Variants in LXN observed in about 807,000 individuals in gnomAD.
LXN encodes MUM.
A neutral mutation model predicts 29.8 loss-of-function variants in LXN; 28 were observed. The ratio of observed to expected loss-of-function variants is 0.94; its 90% CI spans 0.70 to 1.29. The LOEUF is 1.29. LXN is among the 50% of genes most tolerant of loss of function. The probability of loss-of-function intolerance (pLI) is 0.00; values close to 1 mark genes in which losing one functional copy is unlikely to be tolerated. For synonymous variants in LXN, 77 were observed against 89.6 expected, an observed-to-expected ratio of 0.86 and a Z score of 0.80; for missense variants, 227 against 261.7, an observed-to-expected ratio of 0.87 and a Z score of 0.92.
intron 4 of LXN, among the ~76,000 whole-genome samples, chr3:158,668,721 G>A (rs559171915): frequency 7.2e-5 from 11 of 152,234 alleles, no homozygotes; most frequent in Non-Finnish European, 1.5e-4. Flanking sequence ...AACTAACAAA[G>A]CACAGTTATT....
intron 1 of LXN, among the ~76,000 whole-genome samples, chr3:158,672,099 G>T (rs191301816): frequency 6.6e-6 from 1 of 152,126 alleles, no homozygotes; most frequent in Admixed American, 6.6e-5. Context: ...CCGTTTTCTT[G>T]TAACTGTGTG....
intron 2 of LXN, 76 bp from the exon 3 acceptor site, chr3:158,669,686 T>A: frequency 7.2e-7 from 1 of 1,381,190 alleles, no homozygotes; most frequent in Non-Finnish European, 1.0e-6. Context: ...AGATATGATT[T>A]AAAGCATAGG....
rs1724230000 is a variant in LXN at position 158,670,954 on chromosome 3, T to C, written c.192+3A>G. 2.0e-6 allele frequency: 3 copies of C among 1,535,844 alleles called. No individual in the cohort carries two copies. Among genetic ancestry groups the C allele is most frequent in the Non-Finnish European group, 2.6e-6 (3 of 1,143,370 alleles). ...TCTCAAAGAAAAAAGAAATTTAACTTACTTTTTGTATAATTTCTTCAACAG... is the reference window on the plus strand; with the variant it reads ...TCTCAAAGAAAAAAGAAATTTAACTCACTTTTTGTATAATTTCTTCAACAG... On this transcript the variant is annotated splice_donor_region_variant and intron_variant, in intron 2 of 5. Transcript: ENST00000264265.
chr3:158,670,094 C>T (rs971241884), intron 2 of LXN, among the ~76,000 whole-genome samples: 7 of 152,178 alleles, frequency 4.6e-5, no homozygotes, highest in Admixed American at 1.3e-4. Flanking sequence ...TCTAGCAGCT[C>T]AGATGCCTTT....
intron 3 of LXN, 109 bp from the exon 4 acceptor site, chr3:158,669,241 A>G (rs907954231): frequency 2.3e-6 from 3 of 1,294,706 alleles, no homozygotes; most frequent in South Asian, 1.4e-5. Context: ...TGTGCAAAAA[A>G]TAATTTAATT....
At position 158,672,557 on chromosome 3, in the gene LXN, G is replaced by T; in HGVS notation, c.-79C>A. The T allele has an allele frequency of 6.4e-7, 1 of 1,570,282 alleles. No homozygotes were observed. ...TAGCAGAGCGCCGCCCGTCCTGCTT[G>T]CTGCTGGGTCCGGTTGCCGAGGCGG... On this transcript the variant is annotated 5_prime_UTR_variant, in exon 1 of 6. Coordinates refer to ENST00000264265, the MANE Select transcript of LXN (RefSeq NM_020169.4).
rs1217831309 is a variant in LXN at position 158,671,543 on chromosome 3, A to G, written c.130-524T>C. ...GATTAACAAATTATATAAGACTAAG[A>G]AATGGTATTTCACTTTTAAATCAAG... On this transcript the variant is annotated intron_variant, in intron 1 of 5. Coordinates refer to ENST00000264265, the MANE Select transcript of LXN (RefSeq NM_020169.4). Among the ~76,000 whole-genome samples, 5 of 152,236 alleles carry G rather than the reference A, an allele frequency of 3.3e-5. No individual in the cohort carries two copies. In the South Asian group the frequency reaches 6.2e-4, roughly 19 times the overall value.
chr3:158,666,429 AGCTTTTTATT>A lies in LXN; in HGVS notation c.*207_*216del. 1 of 1,524,142 alleles carries A rather than the reference AGCTTTTTATT, an allele frequency of 6.6e-7. No individual in the cohort carries two copies. The highest frequency in any genetic ancestry group is 1.1e-5 in the South Asian group (1 of 89,054). 94.4% of individuals were successfully genotyped at this position (1,524,142 alleles called of 1,614,324 possible). ...TTAAACATTATGAGGCTGAAATTGA[AGCTTTTTATT>A]TTGGATATACATACCACTATTACTG... On this transcript the variant is annotated 3_prime_UTR_variant, in exon 6 of 6. Transcript: ENST00000264265.
intron 5 of LXN, 95 bp downstream of exon 5, chr3:158,666,917 T>A: frequency 1.3e-6 from 2 of 1,520,184 alleles, no homozygotes; most frequent in East Asian, 4.8e-5. Flanking sequence ...TTACATGAAT[T>A]CTGATTTAGA....
At chr3:158,672,191 A>G (rs1448836831) in intron 1 of LXN, among the ~76,000 whole-genome samples, 159 bp downstream of exon 1, 3 of 152,092 alleles carry the variant, frequency 2.0e-5, no homozygotes, top group African/African-American at 7.2e-5. Flanking sequence ...TCCCCCAGAA[A>G]CCTTAATATC....
chr3:158,666,898 TA>T, intron 5 of LXN, 113 bp downstream of exon 5: 1 of 1,482,768 alleles, frequency 6.7e-7, no homozygotes, highest in South Asian at 1.3e-5. Flanking sequence ...ATCTGGTGCC[TA>T]TCTGGATTTA....
At position 158,666,580 on chromosome 3, in the gene LXN, A is replaced by C; in HGVS notation, c.*66T>G. On this transcript the variant is annotated 3_prime_UTR_variant, in exon 6 of 6. Coordinates refer to ENST00000264265, the MANE Select transcript of LXN (RefSeq NM_020169.4). ...TTGGGATTATTTGGCCTCATAAGCTAGATGCCAGTGAAATTGGCATACACA... is the reference window on the plus strand; with the variant it reads ...TTGGGATTATTTGGCCTCATAAGCTCGATGCCAGTGAAATTGGCATACACA... The C allele has an allele frequency of 2.8e-6, 4 of 1,410,590 alleles. No homozygotes were observed. Among genetic ancestry groups the C allele is most frequent in the Middle Eastern group, 1.8e-4 (1 of 5,666 alleles). 87.4% of individuals were successfully genotyped at this position (1,410,590 alleles called of 1,614,324 possible). A position where few individuals can be genotyped will look rare whatever the true frequency, so the allele number is the denominator to read the frequency against.
intron 1 of LXN, among the ~76,000 whole-genome samples, chr3:158,672,042 A>G (rs1724367404): frequency 6.6e-6 from 1 of 152,174 alleles, no homozygotes. Context: ...AATGGTTTCT[A>G]CAGTTTACAC....
chr3:158,672,267 G>T, intron 1 of LXN, 83 bp downstream of exon 1: 3 of 1,546,134 alleles, frequency 1.9e-6, no homozygotes, highest in Non-Finnish European at 2.6e-6. Context: ...CGGAGTGTCT[G>T]CACCCAAAGG....
Position 158,667,089 on chromosome 3 carries a change from A to G in LXN, c.508-15T>C. On this transcript the variant is annotated splice_polypyrimidine_tract_variant and intron_variant, in intron 4 of 5. Coordinates refer to ENST00000264265, the MANE Select transcript of LXN (RefSeq NM_020169.4). ...TCATTTCTTTGCTATGACAAAAAAT[A>G]AAAACGTGTTGTTTAAAACTTAATA... 6.4e-7 allele frequency: 1 copy of G among 1,572,962 alleles called. No individual in the cohort carries two copies. The highest frequency in any genetic ancestry group is 8.6e-7 in the Non-Finnish European group (1 of 1,164,970).
intron 4 of LXN, among the ~76,000 whole-genome samples, chr3:158,668,641 G>GT (rs1430263849): frequency 6.6e-6 from 1 of 152,342 alleles, no homozygotes; most frequent in Non-Finnish European, 1.5e-5. Flanking sequence ...AACAGGAAGT[G>GT]TTTCACTGAA....
intron 2 of LXN, 84 bp from the exon 3 acceptor site, chr3:158,669,694 A>G (rs1218950475): frequency 1.5e-6 from 2 of 1,328,748 alleles, no homozygotes; most frequent in African/African-American, 3.0e-5. Flanking sequence ...TTTAAAGCAT[A>G]GGCTCCTAAT....
chr3:158,666,624 C>T lies in LXN; in HGVS notation c.*22G>A, dbSNP rs754659165. 1.3e-6 allele frequency: 2 copies of T among 1,596,426 alleles called. No individual in the cohort carries two copies. Among genetic ancestry groups the T allele is most frequent in the South Asian group, 1.1e-5 (1 of 90,508 alleles). Reference sequence around the variant, plus strand: ...ATACACATCAATAGACATGTTTACACTTCCAGTGTTAGGGTTTTTGTTTAT... The same window carrying T: ...ATACACATCAATAGACATGTTTACATTTCCAGTGTTAGGGTTTTTGTTTAT... On this transcript the variant is annotated 3_prime_UTR_variant, in exon 6 of 6. Coordinates refer to ENST00000264265, the MANE Select transcript of LXN (RefSeq NM_020169.4).
In LXN at chr3:158,666,753, G is replaced by T; in HGVS notation, c.571-9C>A. 1 of 1,605,824 alleles carries T rather than the reference G, an allele frequency of 6.2e-7. No individual in the cohort carries two copies. ...TGCCAGGGAATAATCTCCTGCAAGT[G>T]AAGAAAATTAATGCCATGATAAAAT... On this transcript the variant is annotated splice_polypyrimidine_tract_variant and intron_variant, in intron 5 of 5. Transcript: ENST00000264265.
Sources: allele counts gnomAD v4.1 joint callset (sites outside exome capture counted in the v4.1 genomes callset), GRCh38; gene constraint gnomAD v4.1.1; transcripts MANE v1.5; gene names NCBI Gene and HGNC (gene_info 2026-07-23, HGNC 2026-07-21).